The following FRMD1 variants were observed in gnomAD, a reference collection of about 807,000 sequenced individuals.
FRMD1 encodes FERM domain containing 1.
FRMD1 carries 51 observed loss-of-function variants against 54.9 expected under a neutral mutation model. The observed-to-expected ratio is 0.93, with a 90% confidence interval of 0.74 to 1.17. The LOEUF is 1.17. Ranked by LOEUF, FRMD1 falls within the 50% of genes most tolerant of loss-of-function variation. The probability of loss-of-function intolerance (pLI) is 0.00; values close to 1 mark genes in which losing one functional copy is unlikely to be tolerated. For missense variants in FRMD1, 729 were observed against 743.0 expected (o/e 0.98, Z 0.22); for synonymous variants, 324 against 306.4 (o/e 1.06, Z -0.60).
At chr6:168,076,915 CCTGT>C (rs917925844) in intron 1 of FRMD1, among the ~76,000 whole-genome samples, 9 of 152,182 alleles carry the variant, frequency 5.9e-5, no homozygotes, top group Admixed American at 2.0e-4. Context: ...TAGAGCGTTC[CCTGT>C]CTAACTACAG....
upstream of FRMD1, among the ~76,000 whole-genome samples, chr6:168,079,618 A>G (rs1800771384): frequency 6.6e-6 from 1 of 152,208 alleles, no homozygotes; most frequent in Admixed American, 6.5e-5. Flanking sequence ...CTCCTGTGGC[A>G]TCTGTTATCG....
In FRMD1 at chr6:168,059,794, C is replaced by G. The variant is rs988220005; in HGVS notation, c.1343-606G>C. On this transcript the variant is annotated intron_variant, in intron 9 of 10. Coordinates refer to ENST00000283309, the MANE Select transcript of FRMD1 (RefSeq NM_024919.6). This position sits in a 1 kb window ranked among gnomAD's most constrained non-coding sequence, Gnocchi z 4.4. ...TCAGGACAGGGTGCTGCATCCTGGG[C>G]CAGGTGCACACACAGTCCTACACAC... Among the ~76,000 whole-genome samples the G allele has an allele frequency of 6.6e-6, 1 of 152,018 alleles. No individual in the cohort carries two copies. The highest frequency in any genetic ancestry group is 2.4e-5 in the African/African-American group (1 of 41,390).
At chr6:168,090,407 G>A (rs1179974491) in intron 1 of FRMD1, among the ~76,000 whole-genome samples, 1 of 152,134 alleles carries the variant, frequency 6.6e-6, no homozygotes, top group Non-Finnish European at 1.5e-5. Context: ...CTCCCACTAA[G>A]GGGTCCCTGG....
chr6:168,083,215 G>A (rs575593940), upstream of FRMD1, among the ~76,000 whole-genome samples: 8 of 152,348 alleles, frequency 5.3e-5, no homozygotes, highest in Non-Finnish European at 8.8e-5. Context: ...CCCATCACCC[G>A]TCTCTGTGGT....
Position 168,060,800 on chromosome 6 carries a change from T to C in FRMD1, c.1303A>G (p.Thr435Ala). 10 of 1,611,942 alleles carry C rather than the reference T, an allele frequency of 6.2e-6. No individual in the cohort carries two copies. Among genetic ancestry groups the C allele is most frequent in the Non-Finnish European group, 8.5e-6 (10 of 1,179,352 alleles). The change falls in exon 9 of 11, where the codon ACC (threonine) becomes GCC (alanine). Residue 435 changes from threonine to alanine, a missense_variant. By Grantham distance (58) the Thr-to-Ala change is moderately conservative (BLOSUM62 0). Coordinates refer to ENST00000283309, the MANE Select transcript of FRMD1 (RefSeq NM_024919.6). ...CGTGTGCTGGGGTGGCTGCGGCTGG[T>C]CCTGGGGCTGGAGGACGGCTCCTTC... Reference protein sequence around the residue: ...HEKEPSSSPRTSRSHPSTRGD... With the variant: ...HEKEPSSSPRASRSHPSTRGD...
At chr6:168,085,431 G>A (rs932303757), upstream of FRMD1, among the ~76,000 whole-genome samples, 5 of 152,224 alleles carry the variant, frequency 3.3e-5, no homozygotes, top group Non-Finnish European at 1.5e-5. Flanking sequence ...AAAGGCTTGG[G>A]ACAGCTGTGG....
chr6:168,057,553 C>T (rs1799479127), intron 10 of FRMD1: 1 of 619,028 alleles, frequency 1.6e-6, no homozygotes, highest in African/African-American at 1.9e-5. Context: ...TCAGGAGGCC[C>T]CCACCTTGCC....
chr6:168,079,059 G>A lies in FRMD1; in HGVS notation c.36C>T (p.Pro12=), dbSNP rs142478026. The change falls in exon 1 of 11, where the codon CCC becomes CCT. Residue 12 remains proline (P), a synonymous_variant. Transcript: ENST00000283309. Reference sequence around the variant, plus strand: ...GGAACGTGTCAGGGTTTGTCCGGGCGGGGTCTATGCCCCTCCCTCTCGGGG... The same window carrying A: ...GGAACGTGTCAGGGTTTGTCCGGGCAGGGTCTATGCCCCTCCCTCTCGGGG... The part of the protein sequence containing the change: ...AVPPRGRGID[P]ARTNPDTFPP... The A allele has an allele frequency of 1.5e-3, 2,336 of 1,609,788 alleles. 6 individuals carry two copies. The highest frequency in any genetic ancestry group is 2.6e-3 in the Middle Eastern group (16 of 6,058).
chr6:168,065,331 C>T (rs919973423), intron 4 of FRMD1: 6 of 1,246,120 alleles, frequency 4.8e-6, no homozygotes, highest in Non-Finnish European at 6.1e-6. Flanking sequence ...CCCCAGTGAG[C>T]TTGGCCTTCA....
At chr6:168,080,457 C>CA (rs199667704), upstream of FRMD1, among the ~76,000 whole-genome samples, 703 of 149,034 alleles carry the variant, frequency 4.7e-3, 4 homozygotes, top group African/African-American at 0.015. Flanking sequence ...AAAAAAACCA[C>CA]AAAAAAAAAC....
chr6:168,070,074 G>C (rs1337624707), intron 2 of FRMD1, among the ~76,000 whole-genome samples: 1 of 152,038 alleles, frequency 6.6e-6, no homozygotes, highest in Non-Finnish European at 1.5e-5. Context: ...AAATACAAAA[G>C]GTATCTGGCT....
At chr6:168,069,672 T>C (rs911581158) in intron 2 of FRMD1, among the ~76,000 whole-genome samples, 2 of 152,182 alleles carry the variant, frequency 1.3e-5, no homozygotes, top group Non-Finnish European at 2.9e-5. Context: ...GGACAGAAAA[T>C]GAACTCCTTA....
Position 168,059,403 on chromosome 6 carries a change from G to A in FRMD1, c.1343-215C>T, listed in dbSNP as rs563691458. On this transcript the variant is annotated intron_variant, in intron 9 of 10. Transcript: ENST00000283309. The surrounding 1 kb of genome is among the most constrained non-coding windows in gnomAD (Gnocchi z 4.4). ...TGCTGTGCAGATGCGGGATTAGCAC[G>A]GTGATTCCCGCTGGGTTACAGGCCA... Among the ~76,000 whole-genome samples, 1 of 152,294 alleles carries A rather than the reference G, an allele frequency of 6.6e-6. No individual in the cohort carries two copies. The highest frequency in any genetic ancestry group is 2.4e-5 in the African/African-American group (1 of 41,564).
At chr6:168,074,388 A>C (rs1325879172) in intron 2 of FRMD1, among the ~76,000 whole-genome samples, 1 of 152,092 alleles carries the variant, frequency 6.6e-6, no homozygotes, top group African/African-American at 2.4e-5. Flanking sequence ...GCATGTTTAC[A>C]TGTGTGAGTG....
chr6:168,092,868 G>A, intron 1 of FRMD1: 1 of 152,236 alleles, frequency 6.6e-6, no homozygotes, highest in East Asian at 1.9e-4. Context: ...CCTTGACCCT[G>A]GACAGGCACA....
chr6:168,066,179 A>T, intron 4 of FRMD1: 1 of 987,174 alleles, frequency 1.0e-6, no homozygotes, highest in South Asian at 4.7e-5. Context: ...CCCACCCTAG[A>T]GAGTACGAGT....
chr6:168,091,921 G>GAGTGGCC (rs758714645), intron 1 of FRMD1, among the ~76,000 whole-genome samples: 1 of 152,208 alleles, frequency 6.6e-6, no homozygotes, highest in Non-Finnish European at 1.5e-5. Flanking sequence ...AAATGGTCAA[G>GAGTGGCC]AGTGGCCAGT....
intron 4 of FRMD1, chr6:168,065,393 T>G: frequency 9.4e-7 from 1 of 1,063,930 alleles, no homozygotes. Flanking sequence ...GCGACTCGAA[T>G]CCCTGGAGGT....
At chr6:168,061,725 T>A (rs1799743668) in intron 8 of FRMD1, 82 bp downstream of exon 8, 2 of 1,380,130 alleles carry the variant, frequency 1.4e-6, no homozygotes, top group Non-Finnish European at 1.9e-6. Context: ...GAAGGCATAG[T>A]CCGGCCAGAG....
Sources: gnomAD v4.1 joint callset for allele counts (sites outside exome capture counted in the v4.1 genomes callset) on GRCh38, gnomAD v4.1.1 for gene constraint, Gnocchi (gnomAD v3.1) non-coding constraint, MANE v1.5 for transcripts, NCBI Gene and HGNC (gene_info 2026-07-23, HGNC 2026-07-21) for gene names.